Variants in FNIP1 observed in about 807,000 individuals in gnomAD.
The protein encoded by FNIP1 is folliculin-interacting protein 1.
FNIP1 carries 40 observed loss-of-function variants against 124.5 expected under a neutral mutation model. That is an observed-to-expected ratio of 0.32 (90% CI 0.25 to 0.42). The LOEUF (loss-of-function observed/expected upper bound fraction) is 0.42. Ranked by LOEUF, FNIP1 falls within the 10% of genes least tolerant of loss-of-function variation. The pLI is 1.00. For synonymous variants in FNIP1, 472 were observed against 470.6 expected (o/e 1.00, Z -0.04); for missense variants, 1,176 against 1,403.7 (o/e 0.84, Z 2.59).
intron 1 of FNIP1, among the ~76,000 whole-genome samples, chr5:131,764,771 A>AT (rs893019829): frequency 2.6e-5 from 4 of 152,102 alleles, no homozygotes; most frequent in African/African-American, 9.7e-5. Flanking sequence ...AGTACTCAAT[A>AT]TTTTTGTAGA....
chr5:131,647,411 A>C (rs1580723415), intron 16 of FNIP1, among the ~76,000 whole-genome samples: 1 of 83,394 alleles, frequency 1.2e-5, no homozygotes, highest in Middle Eastern at 6.9e-3. Context: ...TAGCTTCTAC[A>C]GCGTCTTTTT....
chr5:131,762,486 T>C (rs1198161264), intron 1 of FNIP1, among the ~76,000 whole-genome samples: 4 of 151,998 alleles, frequency 2.6e-5, no homozygotes, highest in Non-Finnish European at 5.9e-5. Flanking sequence ...GGCAAACAGG[T>C]ATATGAAAAG....
chr5:131,760,154 G>T (rs962789028), intron 1 of FNIP1, among the ~76,000 whole-genome samples: 2 of 152,046 alleles, frequency 1.3e-5, no homozygotes, highest in Non-Finnish European at 2.9e-5. Context: ...CCTGGGTGAT[G>T]GAATCCATAC....
intron 11 of FNIP1, among the ~76,000 whole-genome samples, chr5:131,697,854 A>T (rs1332581295): frequency 6.6e-6 from 1 of 151,576 alleles, no homozygotes; most frequent in Non-Finnish European, 1.5e-5. Flanking sequence ...CTGTAATCCC[A>T]GCTACTGAGG....
rs766297463 is a variant in FNIP1, at chr5:131,652,030, T to C, written c.3109-31A>G. The C allele has an allele frequency of 3.8e-6, 6 of 1,583,832 alleles. No individual in the cohort carries two copies. The South Asian group carries it at 4.6e-5, about 12-fold the overall frequency. ...AATAAAAGAATAATTCATCTTATGT[T>C]TAGCAAATGAAGTTTCCAAAGATAA... On this transcript the variant is annotated intron_variant, in intron 15 of 17. Coordinates refer to ENST00000510461, the MANE Select transcript of FNIP1 (RefSeq NM_133372.3).
intron 3 of FNIP1, among the ~76,000 whole-genome samples, chr5:131,725,696 C>G (rs1466252269): frequency 6.6e-6 from 1 of 152,156 alleles, no homozygotes; most frequent in African/African-American, 2.4e-5. Flanking sequence ...ATTTATTTCT[C>G]TTGCCTGATT....
chr5:131,752,656 C>T (rs1185348619), intron 1 of FNIP1, among the ~76,000 whole-genome samples: 1 of 151,956 alleles, frequency 6.6e-6, no homozygotes, highest in East Asian at 1.9e-4. Context: ...AATAAACAAT[C>T]CAATTTTAAA....
At chr5:131,726,767 T>G (rs1769888726) in intron 3 of FNIP1, among the ~76,000 whole-genome samples, 2 of 152,336 alleles carry the variant, frequency 1.3e-5, no homozygotes, top group Admixed American at 1.3e-4. Flanking sequence ...GGTGTCAATT[T>G]TAGATCTTTC....
intron 1 of FNIP1, among the ~76,000 whole-genome samples, chr5:131,774,768 A>G (rs900082841): frequency 1.3e-5 from 2 of 152,238 alleles, no homozygotes; most frequent in African/African-American, 4.8e-5. Context: ...TATTTAGTAT[A>G]TATCTGAAAT....
chr5:131,784,778 C>A (rs1034727407), intron 1 of FNIP1, among the ~76,000 whole-genome samples: 1 of 150,824 alleles, frequency 6.6e-6, no homozygotes, highest in East Asian at 1.9e-4. Flanking sequence ...GCCATGACCA[C>A]GCCACTGCAC....
chr5:131,649,945 C>T (rs937828682), intron 16 of FNIP1, among the ~76,000 whole-genome samples: 2 of 152,168 alleles, frequency 1.3e-5, no homozygotes, highest in African/African-American at 4.8e-5. Flanking sequence ...TGAGGGTTAA[C>T]TTTTAGGATC....
At chr5:131,738,021 G>A (rs1770372968) in intron 2 of FNIP1, among the ~76,000 whole-genome samples, 1 of 152,094 alleles carries the variant, frequency 6.6e-6, no homozygotes, top group Non-Finnish European at 1.5e-5. Context: ...ATTAGTTTTT[G>A]TCATTAGAAA....
chr5:131,778,777 A>C (rs1462000229), intron 1 of FNIP1, among the ~76,000 whole-genome samples: 1 of 129,726 alleles, frequency 7.7e-6, no homozygotes, highest in Admixed American at 8.2e-5. Context: ...CTGGATTAAG[A>C]AAATGTGGCA....
At chr5:131,674,673 G>A (rs757463800) in intron 13 of FNIP1, among the ~76,000 whole-genome samples, 2 of 151,802 alleles carry the variant, frequency 1.3e-5, no homozygotes, top group South Asian at 4.2e-4. Flanking sequence ...AGCTGTGATC[G>A]CACCACCACA....
intron 3 of FNIP1, among the ~76,000 whole-genome samples, chr5:131,730,467 T>C (rs553835325): frequency 1.3e-5 from 2 of 152,338 alleles, no homozygotes; most frequent in East Asian, 3.9e-4. Context: ...GAGAAGTTCC[T>C]ATGTATTATA....
Position 131,650,519 on chromosome 5 carries a change from G to A in FNIP1, c.3306+1283C>T, listed in dbSNP as rs140857487. ...TTATTAGCTCTACCAGTTTTCTGTG[G>A]GATCTTTATGTTTTCTATGTACGAG... On this transcript the variant is annotated intron_variant, in intron 16 of 17. Transcript: ENST00000510461. Among the ~76,000 whole-genome samples, 40 of 152,190 alleles carry A rather than the reference G, an allele frequency of 2.6e-4. 1 individual carries two copies. In the East Asian group the frequency reaches 7.1e-3, roughly 27 times the overall value.
Position 131,677,690 on chromosome 5 carries a change from T to A in FNIP1, c.1519+13A>T, listed in dbSNP as rs370329593. On this transcript the variant is annotated intron_variant, in intron 13 of 17. Transcript: ENST00000510461. ...AGTCTAATACATAGTGTAACAGTTGTCAGATTACATACCCAGTTGTGCCCA... is the reference window on the plus strand; with the variant it reads ...AGTCTAATACATAGTGTAACAGTTGACAGATTACATACCCAGTTGTGCCCA... 14 of 1,608,232 alleles carry A rather than the reference T, an allele frequency of 8.7e-6. No individual in the cohort carries two copies. Among genetic ancestry groups the A allele is most frequent in the Non-Finnish European group, 1.2e-5 (14 of 1,175,834 alleles).
chr5:131,668,741 G>A (rs1051699589), intron 15 of FNIP1, among the ~76,000 whole-genome samples: 2 of 152,048 alleles, frequency 1.3e-5, no homozygotes, highest in South Asian at 2.1e-4. Context: ...AGGTTTGGGG[G>A]CTGAAAAGTC....
At chr5:131,732,100 T>C (rs1770114449) in intron 2 of FNIP1, among the ~76,000 whole-genome samples, 1 of 152,234 alleles carries the variant, frequency 6.6e-6, no homozygotes, top group Non-Finnish European at 1.5e-5. Flanking sequence ...CATCTTTCAC[T>C]GCTCACAACT....
Sources: allele counts gnomAD v4.1 joint callset (sites outside exome capture counted in the v4.1 genomes callset), GRCh38; gene constraint gnomAD v4.1.1; transcripts MANE v1.5; gene names NCBI Gene and HGNC (gene_info 2026-07-23, HGNC 2026-07-21).